SPOCK1: variants seen among roughly 807,000 people sequenced by gnomAD.
SPOCK1 encodes the protein SPARC (osteonectin), cwcv and kazal like domains proteoglycan 1.
Under a neutral mutation model 55.3 loss-of-function variants are expected in SPOCK1, and 23 were observed. The observed-to-expected ratio is 0.42, with a 90% CI of 0.30 to 0.59. The LOEUF is 0.59. Among genes scored for constraint, SPOCK1 ranks in the 20% least tolerant of loss-of-function variants. The pLI, the probability that SPOCK1 is intolerant of heterozygous loss-of-function variation, is 0.22. For synonymous variants in SPOCK1, 226 were observed against 221.0 expected (o/e 1.02, Z -0.20); for missense variants, 499 against 552.5 (o/e 0.90, Z 0.97).
At chr5:137,074,627 C>T (rs1418947866) in intron 5 of SPOCK1, among the ~76,000 whole-genome samples, 1 of 152,214 alleles carries the variant, frequency 6.6e-6, no homozygotes, top group Non-Finnish European at 1.5e-5. Flanking sequence ...AGCAATTCTC[C>T]TGCCTCAGCC....
At chr5:137,112,313 G>T (rs1753490245) in intron 5 of SPOCK1, 122 bp downstream of exon 5, 1 of 1,245,634 alleles carries the variant, frequency 8.0e-7, no homozygotes, top group Admixed American at 2.3e-5. Context: ...TAATGCAGCA[G>T]CTTCTCAAGG....
intron 2 of SPOCK1, among the ~76,000 whole-genome samples, chr5:137,354,854 T>A (rs559735387): frequency 1.3e-5 from 2 of 152,332 alleles, no homozygotes; most frequent in East Asian, 3.9e-4. Flanking sequence ...CTTTCAGGTA[T>A]CACTTATTGA....
At chr5:137,440,755 T>C (rs764933716) in intron 2 of SPOCK1, among the ~76,000 whole-genome samples, 2 of 152,246 alleles carry the variant, frequency 1.3e-5, no homozygotes, top group Non-Finnish European at 2.9e-5. Flanking sequence ...TTTATTCTTA[T>C]AATCTGCCAG....
chr5:137,395,029 A>G (rs975116093), intron 2 of SPOCK1, among the ~76,000 whole-genome samples: 2 of 152,212 alleles, frequency 1.3e-5, no homozygotes, highest in Non-Finnish European at 2.9e-5. Context: ...ATGGTGGCCA[A>G]TGGGCAGACC....
chr5:137,338,265 A>G (rs1163222828), intron 2 of SPOCK1, among the ~76,000 whole-genome samples: 4 of 149,394 alleles, frequency 2.7e-5, no homozygotes, highest in South Asian at 2.1e-4. Flanking sequence ...GAGAACATGC[A>G]GTGTTTGGTT....
chr5:137,081,063 G>A (rs1029405355), intron 5 of SPOCK1, among the ~76,000 whole-genome samples: 3 of 152,198 alleles, frequency 2.0e-5, no homozygotes, highest in African/African-American at 7.2e-5. Flanking sequence ...CCCTCAGCAG[G>A]GGGGCTGTGC....
At chr5:137,265,651 TAGA>T (rs748614694) in intron 3 of SPOCK1, among the ~76,000 whole-genome samples, 1 of 152,188 alleles carries the variant, frequency 6.6e-6, no homozygotes, top group South Asian at 2.1e-4. Flanking sequence ...GTTAGGATTG[TAGA>T]AGAATAATTC....
chr5:137,391,560 A>T (rs938127916), intron 2 of SPOCK1, among the ~76,000 whole-genome samples: 1 of 152,098 alleles, frequency 6.6e-6, no homozygotes, highest in African/African-American at 2.4e-5. Flanking sequence ...CTGCAAATAC[A>T]GCAATGGTGA....
chr5:136,999,981 C>T (rs748694698), intron 6 of SPOCK1, among the ~76,000 whole-genome samples: 4 of 152,204 alleles, frequency 2.6e-5, no homozygotes, highest in African/African-American at 4.8e-5. Flanking sequence ...TACTCCTCCC[C>T]TTCTGTCACA....
In SPOCK1 at chr5:137,251,222, G is replaced by C. The variant is rs149430072; in HGVS notation, c.232+15788C>G. On this transcript the variant is annotated intron_variant, in intron 3 of 10. Transcript: ENST00000394945. ...ATTATATCACTAAGCCACTGAAAAC[G>C]TAAAGTCCTCACCCCTCCTCATCTT... is the stretch of plus-strand genomic sequence containing the variant. Among the ~76,000 whole-genome samples, 3 of 152,204 alleles carry C rather than the reference G, an allele frequency of 2.0e-5. No homozygotes were observed. In the East Asian group the frequency reaches 5.8e-4, roughly 29 times the overall value.
chr5:137,231,342 C>T (rs1333185441), intron 3 of SPOCK1, among the ~76,000 whole-genome samples: 4 of 152,164 alleles, frequency 2.6e-5, no homozygotes, highest in African/African-American at 7.2e-5. Context: ...CCACCGCACC[C>T]GGCTGGTGTC....
chr5:137,027,794 C>A (rs1025426548), intron 6 of SPOCK1, among the ~76,000 whole-genome samples: 1 of 151,478 alleles, frequency 6.6e-6, no homozygotes, highest in Non-Finnish European at 1.5e-5. Context: ...CCCTTTTGCA[C>A]CCCTCATTCT....
chr5:137,313,532 G>C, intron 2 of SPOCK1: 1 of 978,182 alleles, frequency 1.0e-6, no homozygotes, highest in Non-Finnish European at 1.2e-6. Flanking sequence ...ATCCATAGGA[G>C]AGTCACAGGC....
intron 6 of SPOCK1, among the ~76,000 whole-genome samples, chr5:137,015,285 C>CAAAAA (rs11440015): frequency 1.0e-4 from 14 of 139,408 alleles, no homozygotes; most frequent in African/African-American, 3.7e-4. Flanking sequence ...ACTAAAAATA[C>CAAAAA]AAAAAAAAAA....
intron 6 of SPOCK1, among the ~76,000 whole-genome samples, chr5:137,044,195 T>C (rs1021976548): frequency 6.6e-6 from 1 of 151,604 alleles, no homozygotes; most frequent in African/African-American, 2.4e-5. Context: ...GTGAGGAGAG[T>C]TGTCTCTAAG....
intron 2 of SPOCK1, among the ~76,000 whole-genome samples, chr5:137,388,542 C>T (rs1486500243): frequency 6.6e-6 from 1 of 152,154 alleles, no homozygotes; most frequent in African/African-American, 2.4e-5. Flanking sequence ...CCATCTCCTG[C>T]CCTTGAAGGA....
intron 6 of SPOCK1, among the ~76,000 whole-genome samples, chr5:137,021,823 ATTTT>A (rs1246388681): frequency 6.6e-6 from 1 of 152,156 alleles, no homozygotes; most frequent in Admixed American, 6.6e-5. Context: ...GATGCAGTTG[ATTTT>A]TTTAATACCC....
chr5:137,142,786 CTT>C (rs1296635178), intron 3 of SPOCK1, among the ~76,000 whole-genome samples: 1 of 152,186 alleles, frequency 6.6e-6, no homozygotes, highest in Non-Finnish European at 1.5e-5. Context: ...AAGTGGAACT[CTT>C]TTGGTTCCTG....
rs551190771 is a variant in SPOCK1 at position 137,163,371 on chromosome 5, C to T, written c.233-22677G>A. On this transcript the variant is annotated intron_variant, in intron 3 of 10. Coordinates refer to ENST00000394945, the MANE Select transcript of SPOCK1 (RefSeq NM_004598.4). ...AGAAGTCTAAGATACATCTGGTACCCTCCAGGGCTCAAAGACCTCAGTGGG... is the reference window on the plus strand; with the variant it reads ...AGAAGTCTAAGATACATCTGGTACCTTCCAGGGCTCAAAGACCTCAGTGGG... 6.8e-4 allele frequency among the ~76,000 whole-genome samples: 104 copies of T among 152,272 alleles called. 1 individual carries two copies. The highest frequency in any genetic ancestry group is 2.4e-3 in the African/African-American group (101 of 41,566).
Sources: gnomAD v4.1 joint callset for allele counts (sites outside exome capture counted in the v4.1 genomes callset) on GRCh38, gnomAD v4.1.1 for gene constraint, MANE v1.5 for transcripts, NCBI Gene and HGNC (gene_info 2026-07-23, HGNC 2026-07-21) for gene names.